CDH4: variants seen among roughly 807,000 people sequenced by gnomAD.
CDH4 encodes the protein cadherin 4, also known as cadherin-4.
A neutral mutation model predicts 86.0 loss-of-function variants in CDH4; 33 were observed. The observed-to-expected ratio is 0.38, with a 90% CI of 0.29 to 0.51. The LOEUF is 0.51. Among genes scored for constraint, CDH4 ranks in the 20% least tolerant of loss-of-function variants. The pLI is 0.86. For synonymous variants in CDH4, 555 were observed against 549.4 expected, an observed-to-expected ratio of 1.01 and a Z score of -0.14; for missense variants, 1,114 against 1,307.4, an observed-to-expected ratio of 0.85 and a Z score of 2.28.
chr20:61,819,368 C>A lies in CDH4; in HGVS notation c.577-25300C>A, dbSNP rs117328443. On this transcript the variant is annotated intron_variant, in intron 4 of 15. Transcript: ENST00000614565. ...TGCTCGGCTTCCAGATGCATGAGCA[C>A]GCGTCGCTCGCTCTGCCCCGGGAGC... Among the ~76,000 whole-genome samples, 344 of 152,310 alleles carry A rather than the reference C, an allele frequency of 2.3e-3. 11 individuals are homozygous for A. In the East Asian group the frequency reaches 0.056, roughly 25 times the overall value.
intron 4 of CDH4, among the ~76,000 whole-genome samples, chr20:61,774,127 G>T (rs1194219839): frequency 3.9e-5 from 6 of 152,208 alleles, no homozygotes; most frequent in Non-Finnish European, 8.8e-5. Context: ...GGTTGCAAAT[G>T]TATCACCTGC....
intron 4 of CDH4, among the ~76,000 whole-genome samples, chr20:61,806,887 G>A (rs1281776981): frequency 2.0e-5 from 3 of 152,174 alleles, no homozygotes; most frequent in Non-Finnish European, 4.4e-5. Context: ...GGGGAGGGGT[G>A]GCCACAGGGC....
intron 2 of CDH4, among the ~76,000 whole-genome samples, chr20:61,415,689 A>G (rs936482354): frequency 2.0e-5 from 3 of 152,158 alleles, no homozygotes; most frequent in Admixed American, 1.3e-4. Flanking sequence ...CACCCATGTT[A>G]TAGCGAGTGT....
intron 2 of CDH4, among the ~76,000 whole-genome samples, chr20:61,541,024 T>C (rs992678248): frequency 1.6e-4 from 25 of 152,186 alleles, no homozygotes; most frequent in African/African-American, 5.5e-4. Flanking sequence ...AGAGGAAAAA[T>C]TTGACGATTC....
chr20:61,692,239 GTA>G (rs1433151795), intron 2 of CDH4, among the ~76,000 whole-genome samples: 1 of 100,096 alleles, frequency 1.0e-5, no homozygotes. Flanking sequence ...GTGTGTGTAT[GTA>G]TGTGTGTGTA....
intron 4 of CDH4, among the ~76,000 whole-genome samples, chr20:61,825,980 C>T (rs1202754896): frequency 3.3e-5 from 5 of 152,128 alleles, no homozygotes; most frequent in Non-Finnish European, 4.4e-5. Flanking sequence ...TAGAATAGGC[C>T]GCCTCTCCCA....
intron 2 of CDH4, among the ~76,000 whole-genome samples, chr20:61,398,032 C>T (rs943186158): frequency 6.6e-6 from 1 of 152,194 alleles, no homozygotes; most frequent in Non-Finnish European, 1.5e-5. Context: ...CAAGCTTCAC[C>T]TGCGTGTCCT....
At position 61,844,702 on chromosome 20, in the gene CDH4, G is replaced by A. The variant is rs1214490669; in HGVS notation, c.611G>A (p.Arg204Gln). 25 of 1,613,514 alleles carry A rather than the reference G, an allele frequency of 1.5e-5. No homozygotes were observed. The highest frequency in any genetic ancestry group is 2.7e-5 in the African/African-American group (2 of 74,918). ...GACAAAGACAATGACATCCCCATCC[G>A]GTACAGCATCACGGGAGTGGGCGCC... ...RSDKDNDIPIRYSITGVGADQ... is the reference protein window; with the variant it reads ...RSDKDNDIPIQYSITGVGADQ... Residue 204 changes from arginine (R) to glutamine (Q), a missense_variant, in exon 5 of 16, where the codon CGG becomes CAG. By Grantham distance (43) the Arg-to-Gln change is conservative (BLOSUM62 1). This residue lies in a region of CDH4 where 705 missense variants were observed against 914.1 expected (regional missense o/e 0.77). Coordinates refer to ENST00000614565, the MANE Select transcript of CDH4 (RefSeq NM_001794.5).
At chr20:61,351,241 AT>A (rs2084710480) in intron 2 of CDH4, among the ~76,000 whole-genome samples, 2 of 152,050 alleles carry the variant, frequency 1.3e-5, no homozygotes, top group South Asian at 4.1e-4. Context: ...ACATGGACAG[AT>A]TTTTTCTTGT....
At chr20:61,398,339 C>T (rs1241606941) in intron 2 of CDH4, among the ~76,000 whole-genome samples, 4 of 152,290 alleles carry the variant, frequency 2.6e-5, no homozygotes, top group African/African-American at 9.6e-5. Flanking sequence ...ATGTTTTTTG[C>T]GTCTATCACC....
intron 4 of CDH4, among the ~76,000 whole-genome samples, chr20:61,790,772 T>C (rs1177837142): frequency 7.3e-6 from 1 of 136,714 alleles, no homozygotes; most frequent in African/African-American, 2.9e-5. Flanking sequence ...ATCTATCCAT[T>C]CATCTCTCTC....
At chr20:61,396,846 G>A (rs751647459) in intron 2 of CDH4, among the ~76,000 whole-genome samples, 143 of 152,322 alleles carry the variant, frequency 9.4e-4, no homozygotes, top group Middle Eastern at 3.4e-3. Flanking sequence ...CAGGGCTCTA[G>A]TGGTTTTCAT....
At chr20:61,368,128 C>T (rs1419027001) in intron 2 of CDH4, among the ~76,000 whole-genome samples, 1 of 152,208 alleles carries the variant, frequency 6.6e-6, no homozygotes, top group Non-Finnish European at 1.5e-5. Context: ...CTCGGCCTCC[C>T]AAAGTGCTGG....
At position 61,629,510 on chromosome 20, in the gene CDH4, G is replaced by A. The variant is rs370502187; in HGVS notation, c.170-114053G>A. Among the ~76,000 whole-genome samples the A allele has an allele frequency of 1.4e-3, 212 of 152,296 alleles. 6 individuals carry two copies. The South Asian group carries it at 0.039, about 28-fold the overall frequency. On this transcript the variant is annotated intron_variant, in intron 2 of 15. Coordinates refer to ENST00000614565, the MANE Select transcript of CDH4 (RefSeq NM_001794.5). Reference sequence around the variant, plus strand: ...CTGTTATCTGTCCTCCACACTTGTCGCCCTGGCACGTGTGGTTGGCTTTAA... The same window carrying A: ...CTGTTATCTGTCCTCCACACTTGTCACCCTGGCACGTGTGGTTGGCTTTAA...
intron 2 of CDH4, among the ~76,000 whole-genome samples, chr20:61,627,010 G>C (rs937216896): frequency 2.6e-5 from 4 of 152,164 alleles, no homozygotes; most frequent in East Asian, 1.9e-4. Context: ...AGGAGCCTCA[G>C]CTCCAATCAC....
chr20:61,745,154 A>C (rs1438605194), intron 3 of CDH4, among the ~76,000 whole-genome samples: 1 of 152,240 alleles, frequency 6.6e-6, no homozygotes, highest in African/African-American at 2.4e-5. Flanking sequence ...ACTCCCTCGG[A>C]AAAGGGCCCT....
intron 2 of CDH4, among the ~76,000 whole-genome samples, chr20:61,712,147 A>G (rs781516348): frequency 3.5e-4 from 54 of 152,186 alleles, no homozygotes; most frequent in Non-Finnish European, 6.0e-4. Flanking sequence ...AAGCCAGGAG[A>G]GGCTGGTGAG....
At chr20:61,901,216 G>T (rs569784400) in intron 8 of CDH4, among the ~76,000 whole-genome samples, 32 of 73,670 alleles carry the variant, frequency 4.3e-4, no homozygotes, top group Middle Eastern at 7.8e-3. Flanking sequence ...GCAGGAGCAG[G>T]AGGAGTAGGG....
chr20:61,559,727 C>T (rs2086202890), intron 2 of CDH4, among the ~76,000 whole-genome samples: 1 of 151,992 alleles, frequency 6.6e-6, no homozygotes, highest in East Asian at 2.0e-4. Flanking sequence ...CCATGTTGAC[C>T]AAGCTGATCT....
Sources: allele counts gnomAD v4.1 joint callset (sites outside exome capture counted in the v4.1 genomes callset), GRCh38; gene constraint gnomAD v4.1.1; regional missense constraint gnomAD v4.1.1; transcripts MANE v1.5; gene names NCBI Gene and HGNC (gene_info 2026-07-23, HGNC 2026-07-21).